Variants in CACNA1H observed in about 807,000 individuals in gnomAD.
The protein encoded by CACNA1H is voltage-dependent T-type calcium channel subunit alpha-1H.
In CACNA1H, 149 loss-of-function variants were observed where a neutral mutation model predicts 192.5. That is an observed-to-expected ratio of 0.77 (90% confidence interval 0.68 to 0.89). The LOEUF is 0.89. Ranked by LOEUF, CACNA1H falls within the 40% of genes least tolerant of loss-of-function variation. The pLI is 0.00. For synonymous variants in CACNA1H, 2,202 were observed against 1,475.2 expected (o/e 1.49, Z -11.29); for missense variants, 4,257 against 3,423.5 (o/e 1.24, Z -6.08).
At chr16:1,182,508 G>A (rs1330398874) in intron 2 of CACNA1H, among the ~76,000 whole-genome samples, 1 of 152,140 alleles carries the variant, frequency 6.6e-6, no homozygotes, top group African/African-American at 2.4e-5. Flanking sequence ...GCCGGCTGGA[G>A]ACAAACACTC....
Position 1,209,248 on chromosome 16 carries a change from C to T in CACNA1H, c.3580C>T (p.Arg1194Trp), listed in dbSNP as rs1399681066. The change falls in exon 17 of 35, where the codon CGG (arginine) becomes TGG (tryptophan). Residue 1194 changes from arginine to tryptophan, a missense_variant. By Grantham distance (101) the Arg-to-Trp change is moderately radical. Transcript: ENST00000348261. ...AAPGPRATPL[R>W]RAESLDPRPL... ...GCCCGGGCCCCGTGCCACCCCACTGCGGCGGGCCGAGTCCCTGGACCCACG... is the reference window on the plus strand; with the variant it reads ...GCCCGGGCCCCGTGCCACCCCACTGTGGCGGGCCGAGTCCCTGGACCCACG... The T allele has an allele frequency of 2.3e-5, 35 of 1,544,064 alleles. No homozygotes were observed. The highest frequency in any genetic ancestry group is 5.9e-5 in the South Asian group (5 of 84,308).
In CACNA1H at chr16:1,207,591, G is replaced by A. The variant is rs117146308; in HGVS notation, c.3063+161G>A. Among the ~76,000 whole-genome samples the A allele has an allele frequency of 9.2e-3, 1,404 of 152,196 alleles. 16 individuals carry two copies. Among genetic ancestry groups the A allele is most frequent in the Non-Finnish European group, 0.016 (1,067 of 67,978 alleles). ...GGGAGGCCAGGAGCCCAGCGGAGTG[G>A]GCAGGGGTCGGTCGGGAGAGGCAGA... On this transcript the variant is annotated intron_variant, in intron 14 of 34. Coordinates refer to ENST00000348261, the MANE Select transcript of CACNA1H (RefSeq NM_021098.3).
At chr16:1,175,361 G>A (rs1222263998) in intron 2 of CACNA1H, among the ~76,000 whole-genome samples, 1 of 152,190 alleles carries the variant, frequency 6.6e-6, no homozygotes, top group Non-Finnish European at 1.5e-5. Flanking sequence ...CCCTTTGGTA[G>A]TTTTGCATTA....
At position 1,201,695 on chromosome 16, in the gene CACNA1H, G is replaced by A. The variant is rs1399878445; in HGVS notation, c.1245G>A (p.Leu415=). 5.0e-6 allele frequency: 8 copies of A among 1,607,570 alleles called. No homozygotes were observed. Among genetic ancestry groups the A allele is most frequent in the Admixed American group, 1.7e-5 (1 of 59,808 alleles). The stretch of plus-strand genomic sequence containing the variant: ...CCTTCTTCATGATCAACCTGTGCCT[G>A]GTGGTGATTGCCACGCAGTTCTCGG... ...VGSFFMINLC[L]VVIATQFSET... is the part of the protein sequence containing the mutation. Residue 415 remains leucine, a synonymous_variant, in exon 9 of 35, where the codon CTG becomes CTA. Coordinates refer to ENST00000348261, the MANE Select transcript of CACNA1H (RefSeq NM_021098.3).
intron 2 of CACNA1H, among the ~76,000 whole-genome samples, chr16:1,175,730 G>T (rs1416855752): frequency 6.6e-6 from 1 of 152,244 alleles, no homozygotes; most frequent in East Asian, 1.9e-4. Flanking sequence ...AAGATCCTGG[G>T]AGTGGGTTTT....
chr16:1,210,350 A>AGCCCC lies in CACNA1H; in HGVS notation c.3846-20_3846-19insGCCCC. ...TCCACGCCGCCCCGCCCCACCTCTC[A>AGCCCC]CCCGCCCCCGCCCACCCAGGTTCCG... On this transcript the variant is annotated intron_variant, in intron 18 of 34. Transcript: ENST00000348261. 3.2e-6 allele frequency: 1 copy of AGCCCC among 313,934 alleles called. No individual in the cohort carries two copies. Among genetic ancestry groups the AGCCCC allele is most frequent in the Non-Finnish European group, 4.6e-6 (1 of 215,956 alleles). The allele number at this position is 313,934 out of a possible 1,614,324, so 19.4% of individuals were successfully genotyped here. A position where few individuals can be genotyped will look rare whatever the true frequency, so the allele number is the denominator to read the frequency against.
rs1032796994 is a variant in CACNA1H, at chr16:1,180,217, C to T, written c.300-14755C>T. On this transcript the variant is annotated intron_variant, in intron 2 of 34. Transcript: ENST00000348261. The surrounding 1 kb of genome is among the most constrained non-coding windows in gnomAD (Gnocchi z 4.4). ...GGTGCACAGGCAGGTGGTGTGCGTC[C>T]GCATTGCAGAACACGGGGCGTTGCA... Among the ~76,000 whole-genome samples the T allele has an allele frequency of 5.3e-5, 8 of 152,200 alleles. No homozygotes were observed. Among genetic ancestry groups the T allele is most frequent in the African/African-American group, 1.7e-4 (7 of 41,444 alleles).
intron 25 of CACNA1H, 72 bp from the exon 26 acceptor site, chr16:1,212,439 G>A (rs963137981): frequency 3.1e-5 from 46 of 1,462,238 alleles, no homozygotes; most frequent in Non-Finnish European, 4.1e-5. Context: ...GGGGGCTGAG[G>A]GAGAGCAGGG....
At chr16:1,198,534 CG>C in intron 5 of CACNA1H, 80 bp from the exon 6 acceptor site, 2 of 1,506,002 alleles carry the variant, frequency 1.3e-6, no homozygotes, top group Non-Finnish European at 9.1e-7. Flanking sequence ...GGACGGGGCT[CG>C]GGGGTCCCGG....
intron 34 of CACNA1H, 139 bp from the exon 35 acceptor site, chr16:1,219,842 C>T (rs1319601950): frequency 2.0e-5 from 11 of 538,848 alleles, no homozygotes; most frequent in Non-Finnish European, 3.2e-5. Context: ...CCAGCCCCAT[C>T]TCGAGGGTCA....
chr16:1,160,424 G>T (rs1016766902), intron 2 of CACNA1H, among the ~76,000 whole-genome samples: 4 of 152,164 alleles, frequency 2.6e-5, no homozygotes, highest in East Asian at 3.9e-4. Flanking sequence ...CGGCCGCCTC[G>T]GTCAGAGATG....
chr16:1,153,754 G>A lies in CACNA1H; in HGVS notation c.17G>A (p.Arg6Gln). The change falls in exon 2 of 35, where the codon CGG becomes CAG. Residue 6 changes from arginine (R) to glutamine (Q), a missense_variant. Physicochemically the swap from Arg to Gln is conservative, Grantham distance 43 (BLOSUM62 1). Transcript: ENST00000348261. MTEGA[R>Q]AADEVRVPLG... is the part of the protein sequence containing the mutation. ...GCCGCCACCATGACCGAGGGCGCACGGGCCGCCGACGAGGTCCGGGTGCCC... is the reference window on the plus strand; with the variant it reads ...GCCGCCACCATGACCGAGGGCGCACAGGCCGCCGACGAGGTCCGGGTGCCC... 2.5e-6 allele frequency: 3 copies of A among 1,213,052 alleles called. No individual in the cohort carries two copies. Among genetic ancestry groups the A allele is most frequent in the African/African-American group, 1.6e-5 (1 of 63,044 alleles). The allele number at this position is 1,213,052 out of a possible 1,614,324, so 75.1% of individuals were successfully genotyped here.
intron 2 of CACNA1H, among the ~76,000 whole-genome samples, chr16:1,173,107 TG>T (rs897587318): frequency 1.3e-5 from 2 of 151,880 alleles, no homozygotes; most frequent in Non-Finnish European, 2.9e-5. Flanking sequence ...TTGTGGATAT[TG>T]GGGTGTCGAG....
At chr16:1,160,361 C>T (rs1010539603) in intron 2 of CACNA1H, among the ~76,000 whole-genome samples, 3 of 152,202 alleles carry the variant, frequency 2.0e-5, no homozygotes, top group Non-Finnish European at 4.4e-5. Flanking sequence ...ACCACTCACC[C>T]TGGGCAGATA....
chr16:1,219,176 G>GT, intron 34 of CACNA1H, 46 bp downstream of exon 34: 1 of 1,469,356 alleles, frequency 6.8e-7, no homozygotes, highest in South Asian at 1.4e-5. Context: ...GGGGATGGGG[G>GT]GCTTGCAGGG....
In CACNA1H at chr16:1,211,475, C is replaced by A. The variant is rs377612703; in HGVS notation, c.4351-6C>A. 3 of 1,612,278 alleles carry A rather than the reference C, an allele frequency of 1.9e-6. No individual in the cohort carries two copies. The highest frequency in any genetic ancestry group is 2.5e-6 in the Non-Finnish European group (3 of 1,179,688). Reference sequence around the variant, plus strand: ...GCCCTCCGCGGTGACCGTCGCACCCCGTCAGCTCTTCAAAGGGAAGTTCTA... The same window carrying A: ...GCCCTCCGCGGTGACCGTCGCACCCAGTCAGCTCTTCAAAGGGAAGTTCTA... On this transcript the variant is annotated splice_region_variant and splice_polypyrimidine_tract_variant and intron_variant, in intron 22 of 34. Transcript: ENST00000348261.
intron 9 of CACNA1H, among the ~76,000 whole-genome samples, chr16:1,202,756 G>C (rs1968132136): frequency 6.6e-6 from 1 of 152,170 alleles, no homozygotes; most frequent in African/African-American, 2.4e-5. Context: ...CATTGCCCCT[G>C]CCTGGCCCCG....
chr16:1,215,207 C>T (rs1449374436), intron 28 of CACNA1H, 35 bp from the exon 29 acceptor site: 34 of 1,588,598 alleles, frequency 2.1e-5, no homozygotes, highest in Non-Finnish European at 2.9e-5. Context: ...GAGGCGGGGA[C>T]CCCAGACGTG....
rs1197672642 is a variant in CACNA1H at position 1,198,612 on chromosome 16, C to T, written c.644-3C>T. ...GTGCCAATCCTGGCCCTGCTGCCCA[C>T]AGGCATGCGGATCCTGGTCACTCTG... On this transcript the variant is annotated splice_region_variant and splice_polypyrimidine_tract_variant and intron_variant, in intron 5 of 34. Transcript: ENST00000348261. 2.5e-6 allele frequency: 4 copies of T among 1,612,530 alleles called. No homozygotes were observed. The highest frequency in any genetic ancestry group is 1.3e-5 in the African/African-American group (1 of 75,000).
Sources: gnomAD v4.1 joint callset for allele counts (sites outside exome capture counted in the v4.1 genomes callset) on GRCh38, gnomAD v4.1.1 for gene constraint, Gnocchi (gnomAD v3.1) non-coding constraint, MANE v1.5 for transcripts, NCBI Gene and HGNC (gene_info 2026-07-23, HGNC 2026-07-21) for gene names.